The following SYT1 variants were observed in gnomAD, a reference collection of about 807,000 sequenced individuals.
SYT1 encodes the protein synaptotagmin 1.
A neutral mutation model predicts 44.8 loss-of-function variants in SYT1; 8 were observed. That is an observed-to-expected ratio of 0.18 (90% confidence interval 0.10 to 0.32). SYT1 has a LOEUF of 0.32. Ranked by LOEUF, SYT1 falls within the 10% of genes least tolerant of loss-of-function variation. SYT1 has a pLI of 1.00. For synonymous variants in SYT1, 154 were observed against 188.8 expected (o/e 0.82, Z 1.51); for missense variants, 286 against 509.3 (o/e 0.56, Z 4.22).
intron 3 of SYT1, among the ~76,000 whole-genome samples, chr12:79,064,747 A>T (rs1425622768): frequency 6.6e-6 from 1 of 151,740 alleles, no homozygotes; most frequent in East Asian, 1.9e-4. Flanking sequence ...GAAACAGATT[A>T]TGCTAATTTA....
chr12:79,372,236 G>A (rs1441934092), intron 9 of SYT1, among the ~76,000 whole-genome samples: 2 of 152,050 alleles, frequency 1.3e-5, no homozygotes, highest in South Asian at 2.1e-4. Context: ...AGGCCCCCAT[G>A]AAGAAATTAA....
At chr12:79,310,675 T>C (rs534254187) in intron 8 of SYT1, among the ~76,000 whole-genome samples, 1 of 152,346 alleles carries the variant, frequency 6.6e-6, no homozygotes, top group South Asian at 2.1e-4. Flanking sequence ...TTTGTTTGTA[T>C]CCTCTTTTAT....
intron 1 of SYT1, among the ~76,000 whole-genome samples, chr12:78,933,288 T>C (rs1437662838): frequency 2.0e-5 from 3 of 152,158 alleles, no homozygotes; most frequent in African/African-American, 7.2e-5. Flanking sequence ...TAAAATGAAT[T>C]TGGCTGAGTT....
At chr12:79,099,090 C>CT (rs1000440144) in intron 3 of SYT1, among the ~76,000 whole-genome samples, 1 of 152,092 alleles carries the variant, frequency 6.6e-6, no homozygotes, top group African/African-American at 2.4e-5. Flanking sequence ...TCCTTAGTAA[C>CT]TCTGTTCAAT....
chr12:79,370,317 T>A (rs1179596225), intron 9 of SYT1, among the ~76,000 whole-genome samples: 4 of 152,150 alleles, frequency 2.6e-5, no homozygotes, highest in African/African-American at 9.7e-5. Flanking sequence ...AAAGAGGACA[T>A]AACTGTCTGA....
intron 1 of SYT1, among the ~76,000 whole-genome samples, chr12:78,966,209 C>T (rs1448703826): frequency 6.6e-6 from 1 of 151,968 alleles, no homozygotes; most frequent in African/African-American, 2.4e-5. Context: ...ATTTGCTGAA[C>T]ATTAAACATT....
intron 3 of SYT1, among the ~76,000 whole-genome samples, chr12:79,057,237 G>C (rs756594342): frequency 4.6e-5 from 7 of 151,884 alleles, no homozygotes; most frequent in Non-Finnish European, 1.0e-4. Flanking sequence ...TATATCCTCT[G>C]TTCTTATGGT....
chr12:79,164,057 A>C (rs1397737466), intron 3 of SYT1, among the ~76,000 whole-genome samples: 3 of 152,008 alleles, frequency 2.0e-5, no homozygotes, highest in Non-Finnish European at 2.9e-5. Context: ...TCATGTTCAC[A>C]ATACCCATTG....
chr12:79,127,448 T>C (rs1376107053), intron 3 of SYT1, among the ~76,000 whole-genome samples: 1 of 151,650 alleles, frequency 6.6e-6, no homozygotes, highest in Non-Finnish European at 1.5e-5. Context: ...GCAAGAGTTT[T>C]GAAGCCAGTG....
chr12:78,964,131 A>T (rs991799129), intron 1 of SYT1: 9 of 152,170 alleles, frequency 5.9e-5, no homozygotes, highest in African/African-American at 2.2e-4. Flanking sequence ...TTAGATCTCA[A>T]CACAAAGGCT....
chr12:79,119,681 G>C (rs542781621), intron 3 of SYT1, among the ~76,000 whole-genome samples: 1 of 152,188 alleles, frequency 6.6e-6, no homozygotes, highest in Admixed American at 6.5e-5. Context: ...GAGAGTTGAC[G>C]TGACAGCAAG....
intron 3 of SYT1, among the ~76,000 whole-genome samples, chr12:79,174,966 T>C (rs1038959417): frequency 1.3e-5 from 2 of 152,074 alleles, no homozygotes; most frequent in African/African-American, 4.8e-5. Context: ...TTTTATTTTA[T>C]AGTTAATATT....
At chr12:78,880,185 T>C (rs911123268) in intron 1 of SYT1, among the ~76,000 whole-genome samples, 1 of 151,710 alleles carries the variant, frequency 6.6e-6, no homozygotes, top group Non-Finnish European at 1.5e-5. Flanking sequence ...TTTTTCCTCA[T>C]CCATGTGGAC....
rs187471152 is a variant in SYT1, at chr12:78,865,054, C to G, written c.-272C>G. 2 of 152,374 alleles carry G rather than the reference C, an allele frequency of 1.3e-5. No homozygotes were observed. The highest frequency in any genetic ancestry group is 2.9e-5 in the Non-Finnish European group (2 of 68,124). 9.4% of individuals were successfully genotyped at this position (152,374 alleles called of 1,614,324 possible). On this transcript the variant is annotated 5_prime_UTR_variant, in exon 1 of 11. Coordinates refer to ENST00000261205, the MANE Select transcript of SYT1 (RefSeq NM_005639.3). Reference sequence around the variant, plus strand: ...TACGCGTGTGCCTCGCGCCGGTCCACGCGGGGAGAGCACTGGGGACCGAGA... The same window carrying G: ...TACGCGTGTGCCTCGCGCCGGTCCAGGCGGGGAGAGCACTGGGGACCGAGA...
intron 4 of SYT1, among the ~76,000 whole-genome samples, chr12:79,244,683 G>A (rs1268803835): frequency 6.7e-6 from 1 of 148,788 alleles, no homozygotes; most frequent in Non-Finnish European, 1.5e-5. Flanking sequence ...CAGCCTGGAC[G>A]ACAGAGAGAG....
At chr12:79,001,123 G>A (rs1870711016) in intron 2 of SYT1, among the ~76,000 whole-genome samples, 1 of 152,022 alleles carries the variant, frequency 6.6e-6, no homozygotes, top group African/African-American at 2.4e-5. Flanking sequence ...AGGGGCTCCA[G>A]GAGATTTCTA....
intron 9 of SYT1, among the ~76,000 whole-genome samples, chr12:79,413,330 T>C (rs1025428962): frequency 2.0e-5 from 3 of 152,216 alleles, no homozygotes; most frequent in Non-Finnish European, 4.4e-5. Flanking sequence ...CTTGTCTCTG[T>C]AGAGTGGCAA....
At chr12:79,196,775 T>C (rs1873488900) in intron 3 of SYT1, among the ~76,000 whole-genome samples, 1 of 152,194 alleles carries the variant, frequency 6.6e-6, no homozygotes, top group Admixed American at 6.5e-5. Context: ...GTCAATCAAT[T>C]AGGGAAACAA....
chr12:79,065,271 A>G (rs1448933669), intron 3 of SYT1, among the ~76,000 whole-genome samples: 1 of 152,106 alleles, frequency 6.6e-6, no homozygotes, highest in Non-Finnish European at 1.5e-5. Context: ...GTAGTCCCAG[A>G]TACTAGGGAA....
Sources: allele counts gnomAD v4.1 joint callset (sites outside exome capture counted in the v4.1 genomes callset), GRCh38; gene constraint gnomAD v4.1.1; transcripts MANE v1.5; gene names NCBI Gene and HGNC (gene_info 2026-07-23, HGNC 2026-07-21).